The following SH3RF3 variants were observed in gnomAD, a reference collection of about 807,000 sequenced individuals.
The protein encoded by SH3RF3 is SH3 domain containing ring finger 3.
Under a neutral mutation model 66.3 loss-of-function variants are expected in SH3RF3, and 29 were observed. That is an observed-to-expected ratio of 0.44 (90% CI 0.33 to 0.60). SH3RF3 has a LOEUF of 0.60. SH3RF3 is among the 20% of genes least tolerant of loss of function. SH3RF3 has a pLI of 0.04. For missense variants in SH3RF3, 1,194 were observed against 1,190.9 expected, an observed-to-expected ratio of 1.00 and a Z score of -0.04; for synonymous variants, 583 against 532.0, an observed-to-expected ratio of 1.10 and a Z score of -1.32.
chr2:109,249,532 T>TTTCC (rs34592741), intron 1 of SH3RF3, among the ~76,000 whole-genome samples: 2,643 of 96,320 alleles, frequency 0.027, 66 homozygotes, highest in Middle Eastern at 0.051. Flanking sequence ...TCTTTCTTTC[T>TTTCC]TTCCTTCCTT....
At position 109,173,347 on chromosome 2, in the gene SH3RF3, A is replaced by G. The variant is rs987394059; in HGVS notation, c.573+43234A>G. On this transcript the variant is annotated intron_variant, in intron 1 of 9. Transcript: ENST00000309415. ...CCTTCCTGTGCTCTGCCCGTTATCA[A>G]CCGAGCCGTCCCTGCCTGGGTTGTC... Among the ~76,000 whole-genome samples, 3 of 152,136 alleles carry G rather than the reference A, an allele frequency of 2.0e-5. 1 individual carries two copies. The highest frequency in any genetic ancestry group is 6.3e-3 in the Middle Eastern group (2 of 316).
intron 1 of SH3RF3, among the ~76,000 whole-genome samples, chr2:109,227,432 C>T (rs546149782): frequency 1.3e-5 from 2 of 152,300 alleles, no homozygotes; most frequent in African/African-American, 4.8e-5. Context: ...CAAGTTCTCA[C>T]AGTCAAGTAA....
At chr2:109,307,974 T>C (rs1225860429) in intron 1 of SH3RF3, among the ~76,000 whole-genome samples, 1 of 139,554 alleles carries the variant, frequency 7.2e-6, no homozygotes, top group East Asian at 2.1e-4. Flanking sequence ...GTATTTCTAG[T>C]TCTAGATCCC....
intron 1 of SH3RF3, among the ~76,000 whole-genome samples, chr2:109,178,265 T>C (rs1002393136): frequency 2.6e-5 from 4 of 152,240 alleles, no homozygotes; most frequent in African/African-American, 7.2e-5. Context: ...TGTCAACGTT[T>C]TTATCTGCCT....
chr2:109,498,157 TC>T (rs1432861073), intron 9 of SH3RF3, among the ~76,000 whole-genome samples: 1 of 152,128 alleles, frequency 6.6e-6, no homozygotes, highest in Non-Finnish European at 1.5e-5. Flanking sequence ...CCTCCTTCCT[TC>T]CCGCCTGCAT....
Position 109,499,631 on chromosome 2 carries a change from A to G in SH3RF3, c.2481-1872A>G, listed in dbSNP as rs968371042. 9.2e-5 allele frequency among the ~76,000 whole-genome samples: 14 copies of G among 152,296 alleles called. 1 individual carries two copies. The East Asian group carries it at 1.4e-3, about 15-fold the overall frequency. On this transcript the variant is annotated intron_variant, in intron 9 of 9. Coordinates refer to ENST00000309415, the MANE Select transcript of SH3RF3 (RefSeq NM_001099289.3). ...CTCTAAGCATAAGGGCCGAGGGCAC[A>G]AGGCCCAACTGGTTCGTCCTTGGCA...
intron 1 of SH3RF3, among the ~76,000 whole-genome samples, chr2:109,295,391 G>A (rs1044189382): frequency 2.6e-5 from 4 of 152,374 alleles, no homozygotes; most frequent in South Asian, 2.1e-4. Context: ...AACCCAGGCC[G>A]CCTGGCTCTG....
intron 1 of SH3RF3, among the ~76,000 whole-genome samples, chr2:109,149,979 T>TG (rs1402039792): frequency 2.6e-5 from 4 of 152,186 alleles, no homozygotes; most frequent in Non-Finnish European, 5.9e-5. Flanking sequence ...TGAAGTCCCC[T>TG]GGGGAACCTC....
intron 4 of SH3RF3, among the ~76,000 whole-genome samples, chr2:109,415,803 C>T (rs1275901375): frequency 6.6e-6 from 1 of 152,238 alleles, no homozygotes; most frequent in Non-Finnish European, 1.5e-5. Flanking sequence ...CCCTCACCAC[C>T]TCCCTGCTGT....
At chr2:109,368,468 C>T (rs1181436342) in intron 2 of SH3RF3, among the ~76,000 whole-genome samples, 1 of 151,842 alleles carries the variant, frequency 6.6e-6, no homozygotes, top group Non-Finnish European at 1.5e-5. Flanking sequence ...ATTTTAGTAA[C>T]ATTTTCTAAC....
intron 9 of SH3RF3, among the ~76,000 whole-genome samples, chr2:109,494,998 T>C (rs1679222598): frequency 6.6e-6 from 1 of 152,124 alleles, no homozygotes; most frequent in Non-Finnish European, 1.5e-5. Flanking sequence ...CAGGCTCAGC[T>C]GCCCTGCCCC....
Position 109,258,023 on chromosome 2 carries a change from C to T in SH3RF3, c.574-89651C>T, listed in dbSNP as rs534210066. On this transcript the variant is annotated intron_variant, in intron 1 of 9. Coordinates refer to ENST00000309415, the MANE Select transcript of SH3RF3 (RefSeq NM_001099289.3). Reference sequence around the variant, plus strand: ...ACACACATACCCACATACCTGTGCACACATGTACACTTTCTTATTTGCTGA... The same window carrying T: ...ACACACATACCCACATACCTGTGCATACATGTACACTTTCTTATTTGCTGA... Among the ~76,000 whole-genome samples the T allele has an allele frequency of 1.4e-3, 220 of 152,284 alleles. 1 individual carries two copies. The highest frequency in any genetic ancestry group is 0.014 in the South Asian group (69 of 4,834).
At chr2:109,338,819 A>C (rs149597237) in intron 1 of SH3RF3, among the ~76,000 whole-genome samples, 3 of 152,108 alleles carry the variant, frequency 2.0e-5, no homozygotes, top group Non-Finnish European at 4.4e-5. Flanking sequence ...CGGCCTCCCA[A>C]AGTGTGTGAG....
At chr2:109,211,219 G>A (rs186887026) in intron 1 of SH3RF3, among the ~76,000 whole-genome samples, 1 of 152,312 alleles carries the variant, frequency 6.6e-6, no homozygotes, top group East Asian at 1.9e-4. Context: ...GGGATAAAAG[G>A]CAAGGAGGCA....
rs1399392243 is a variant in SH3RF3 at position 109,295,610 on chromosome 2, G to A, written c.574-52064G>A. Among the ~76,000 whole-genome samples the A allele has an allele frequency of 2.6e-5, 4 of 152,334 alleles. No homozygotes were observed. The East Asian group carries it at 7.7e-4, about 29-fold the overall frequency. ...CCCAGCCACATGCTTGTAGCCACCT[G>A]CAAGTGCCCAGGCATGCTGCAGACT... On this transcript the variant is annotated intron_variant, in intron 1 of 9. Coordinates refer to ENST00000309415, the MANE Select transcript of SH3RF3 (RefSeq NM_001099289.3).
chr2:109,501,769 G>C lies in SH3RF3; in HGVS notation c.*98G>C. ...AGCCATGGCGCCCCAAGGGTTCCAG[G>C]TCATCTCCAAGGCACCTGGCGGGGG... On this transcript the variant is annotated 3_prime_UTR_variant, in exon 10 of 10. Transcript: ENST00000309415. The C allele has an allele frequency of 1.5e-5, 10 of 649,600 alleles. No homozygotes were observed. Among genetic ancestry groups the C allele is most frequent in the Non-Finnish European group, 2.8e-5 (10 of 357,044 alleles). 40.2% of individuals were successfully genotyped at this position (649,600 alleles called of 1,614,324 possible).
chr2:109,486,734 AG>A (rs199653898), intron 8 of SH3RF3, among the ~76,000 whole-genome samples: 4,448 of 151,918 alleles, frequency 0.029, 107 homozygotes, highest in Non-Finnish European at 0.041. Flanking sequence ...GAGGAAGGGG[AG>A]GGGGAAGCTG....
At chr2:109,139,662 G>A (rs942487489) in intron 1 of SH3RF3, among the ~76,000 whole-genome samples, 1 of 152,156 alleles carries the variant, frequency 6.6e-6, no homozygotes, top group African/African-American at 2.4e-5. Flanking sequence ...GAGTTTTCCT[G>A]GATTTAAAGT....
intron 1 of SH3RF3, among the ~76,000 whole-genome samples, chr2:109,301,316 G>A (rs527397422): frequency 8.1e-4 from 118 of 145,860 alleles, no homozygotes; most frequent in African/African-American, 3.0e-3. Context: ...GGTGGGGGGC[G>A]GGCTGTGTAT....
Sources: gnomAD v4.1 joint callset for allele counts (sites outside exome capture counted in the v4.1 genomes callset) on GRCh38, gnomAD v4.1.1 for gene constraint, MANE v1.5 for transcripts, NCBI Gene and HGNC (gene_info 2026-07-23, HGNC 2026-07-21) for gene names.